Variants in NR5A2 observed in about 807,000 individuals in gnomAD.
The protein encoded by NR5A2 is CYP7A promoter-binding factor.
In NR5A2, 26 loss-of-function variants were observed where a neutral mutation model predicts 62.7. That is an observed-to-expected ratio of 0.41 (90% CI 0.30 to 0.58). NR5A2 has a LOEUF of 0.58. Ranked by LOEUF, NR5A2 falls within the 20% of genes least tolerant of loss-of-function variation. The pLI is 0.22. For missense variants in NR5A2, 541 were observed against 669.1 expected (o/e 0.81, Z 2.11); for synonymous variants, 246 against 241.7 (o/e 1.02, Z -0.16).
At chr1:200,138,974 T>C (rs1228690634) in intron 7 of NR5A2, among the ~76,000 whole-genome samples, 6 of 152,194 alleles carry the variant, frequency 3.9e-5, no homozygotes. Flanking sequence ...AATTGCATTG[T>C]ATTTAGAGAT....
At chr1:200,135,844 A>C (rs10919814) in intron 7 of NR5A2, among the ~76,000 whole-genome samples, 36,522 of 152,168 alleles carry the variant, frequency 0.24, 4,981 homozygotes, top group Admixed American at 0.32. Context: ...AAGTCATAGA[A>C]ATGAAGGCTG....
intron 1 of NR5A2, among the ~76,000 whole-genome samples, chr1:200,031,330 C>A (rs1661539365): frequency 2.0e-5 from 3 of 151,786 alleles, no homozygotes; most frequent in Non-Finnish European, 4.4e-5. Context: ...ATAGTGAGAC[C>A]CAGTCTCTAC....
chr1:200,111,407 C>T (rs1665951563), intron 6 of NR5A2, 86 bp downstream of exon 6: 1 of 1,447,268 alleles, frequency 6.9e-7, no homozygotes, highest in Non-Finnish European at 9.2e-7. Flanking sequence ...GTCAGAAGCA[C>T]TCTTGTGCTT....
chr1:200,100,183 C>G (rs771534833), intron 5 of NR5A2, among the ~76,000 whole-genome samples: 19 of 152,150 alleles, frequency 1.2e-4, no homozygotes, highest in Non-Finnish European at 2.2e-4. Flanking sequence ...ATAAATGAAA[C>G]AATACCCAGA....
intron 5 of NR5A2, among the ~76,000 whole-genome samples, chr1:200,093,961 C>T (rs553528839): frequency 6.6e-6 from 1 of 152,186 alleles, no homozygotes; most frequent in African/African-American, 2.4e-5. Flanking sequence ...TCAAGACCAG[C>T]CTGGCCAATA....
At chr1:200,101,254 A>T (rs73067208) in intron 5 of NR5A2, among the ~76,000 whole-genome samples, 2,472 of 152,282 alleles carry the variant, frequency 0.016, 60 homozygotes, top group African/African-American at 0.056. Flanking sequence ...ACTAGGTGTT[A>T]TATTCATTCA....
At chr1:200,133,658 A>G (rs1401767102) in intron 7 of NR5A2, among the ~76,000 whole-genome samples, 2 of 150,478 alleles carry the variant, frequency 1.3e-5, no homozygotes, top group Non-Finnish European at 3.0e-5. Flanking sequence ...TTATATATAT[A>G]TGGTCATATA....
intron 7 of NR5A2, among the ~76,000 whole-genome samples, chr1:200,142,279 G>A (rs1271354919): frequency 1.5e-5 from 2 of 131,906 alleles, no homozygotes; most frequent in South Asian, 2.4e-4. Context: ...AGCTCACTGC[G>A]ACCTCTGCCT....
At chr1:200,107,298 A>C (rs1179570335) in intron 5 of NR5A2, among the ~76,000 whole-genome samples, 1 of 102,546 alleles carries the variant, frequency 9.8e-6, no homozygotes, top group East Asian at 3.1e-4. Flanking sequence ...GCATTTATTA[A>C]GTGGCTTTTT....
Position 200,054,294 on chromosome 1 carries a change from C to T in NR5A2, c.1110+5476C>T, listed in dbSNP as rs538531377. On this transcript the variant is annotated intron_variant, in intron 5 of 7. Coordinates refer to ENST00000367362, the MANE Select transcript of NR5A2 (RefSeq NM_205860.3). ...TGTTTTTAGAAATTAAGAGCTAATT[C>T]GAGACTTTTGTATTCTGCTGAAAGA... The T allele has an allele frequency of 2.0e-5, 3 of 152,032 alleles. No homozygotes were observed. In the South Asian group the frequency reaches 6.2e-4, roughly 32 times the overall value. 9.4% of individuals were successfully genotyped at this position (152,032 alleles called of 1,614,324 possible).
chr1:200,084,674 T>G (rs944832599), intron 5 of NR5A2, among the ~76,000 whole-genome samples: 3 of 152,202 alleles, frequency 2.0e-5, no homozygotes, highest in African/African-American at 7.2e-5. Context: ...TTATTCGTAA[T>G]GAATAACAAG....
At chr1:200,082,720 A>G (rs1664351113) in intron 5 of NR5A2, among the ~76,000 whole-genome samples, 2 of 152,192 alleles carry the variant, frequency 1.3e-5, no homozygotes, top group Admixed American at 1.3e-4. Context: ...ATGTTTCTGT[A>G]TATAATAGGC....
intron 5 of NR5A2, among the ~76,000 whole-genome samples, chr1:200,077,356 C>T (rs1664089222): frequency 1.3e-5 from 2 of 152,180 alleles, no homozygotes; most frequent in Admixed American, 1.3e-4. Context: ...AACTCATTTT[C>T]ACTAGCTAAT....
At chr1:200,087,229 C>A (rs1032879057) in intron 5 of NR5A2, among the ~76,000 whole-genome samples, 2 of 134,636 alleles carry the variant, frequency 1.5e-5, no homozygotes, top group East Asian at 4.3e-4. Context: ...AACACATACA[C>A]CCTTCTTCAC....
chr1:200,137,647 A>G (rs1046634071), intron 7 of NR5A2, among the ~76,000 whole-genome samples: 1 of 152,204 alleles, frequency 6.6e-6, no homozygotes, highest in Non-Finnish European at 1.5e-5. Flanking sequence ...GTGAAAGAAG[A>G]AGGAATGAAG....
chr1:200,105,068 C>G (rs1665582100), intron 5 of NR5A2, among the ~76,000 whole-genome samples: 1 of 152,168 alleles, frequency 6.6e-6, no homozygotes, highest in Non-Finnish European at 1.5e-5. Context: ...AAGTGATCCT[C>G]CAGCCTCAGC....
intron 5 of NR5A2, among the ~76,000 whole-genome samples, chr1:200,100,716 G>A (rs897224892): frequency 2.6e-5 from 4 of 152,168 alleles, no homozygotes; most frequent in African/African-American, 9.7e-5. Flanking sequence ...ATCTACTGTG[G>A]GGATATTGTT....
chr1:200,046,470 G>C lies in NR5A2; in HGVS notation c.463+886G>C, dbSNP rs185477674. 3.2e-3 allele frequency among the ~76,000 whole-genome samples: 492 copies of C among 152,072 alleles called. 7 individuals carry two copies. The highest frequency in any genetic ancestry group is 6.2e-3 in the South Asian group (30 of 4,820). On this transcript the variant is annotated intron_variant, in intron 4 of 7. Coordinates refer to ENST00000367362, the MANE Select transcript of NR5A2 (RefSeq NM_205860.3). ...CACCGATGGTGCTAGATACAAGAGT[G>C]CATTTTATTTGATCAATGAGGCACA...
At chr1:200,150,049 G>T (rs1652987290) in intron 7 of NR5A2, among the ~76,000 whole-genome samples, 2 of 152,058 alleles carry the variant, frequency 1.3e-5, no homozygotes, top group Non-Finnish European at 1.5e-5. Context: ...ATAATGGATG[G>T]ATGGATGGAT....
Sources: gnomAD v4.1 joint callset for allele counts (sites outside exome capture counted in the v4.1 genomes callset) on GRCh38, gnomAD v4.1.1 for gene constraint, MANE v1.5 for transcripts, NCBI Gene and HGNC (gene_info 2026-07-23, HGNC 2026-07-21) for gene names.